Variants in DUSP5 observed in about 807,000 individuals in gnomAD.
The protein encoded by DUSP5 is dual specificity protein phosphatase 5.
Under a neutral mutation model 33.6 loss-of-function variants are expected in DUSP5, and 22 were observed. That is an observed-to-expected ratio of 0.66 (90% CI 0.47 to 0.94). The LOEUF (loss-of-function observed/expected upper bound fraction) is 0.94, where lower values mean the gene tolerates loss of function less well. Ranked by LOEUF, DUSP5 falls within the 40% of genes least tolerant of loss-of-function variation. The probability of loss-of-function intolerance (pLI) is 0.00; values close to 1 mark genes in which losing one functional copy is unlikely to be tolerated. For missense variants in DUSP5, 551 were observed against 522.1 expected, an observed-to-expected ratio of 1.06 and a Z score of -0.54; for synonymous variants, 270 against 231.1, an observed-to-expected ratio of 1.17 and a Z score of -1.53.
chr10:110,509,824 G>T (rs1860163992), intron 3 of DUSP5, among the ~76,000 whole-genome samples, 196 bp from the exon 4 acceptor site: 1 of 152,162 alleles, frequency 6.6e-6, no homozygotes, highest in Non-Finnish European at 1.5e-5. Context: ...CTTGGGGATA[G>T]TCTTTGCTGG....
chr10:110,506,927 GCA>G lies in DUSP5; in HGVS notation c.529-7_529-6del. 6.2e-7 allele frequency: 1 copy of G among 1,613,488 alleles called. No homozygotes were observed. Among genetic ancestry groups the G allele is most frequent in the Non-Finnish European group, 8.5e-7 (1 of 1,179,408 alleles). The stretch of plus-strand genomic sequence containing the variant: ...TATTTCCTGATTGTCCTTTGTCCCT[GCA>G]TCCAGGGTGGCCCAGTTGAAATCCT... On this transcript the variant is annotated splice_polypyrimidine_tract_variant and splice_region_variant and intron_variant, in intron 2 of 3. Transcript: ENST00000369583.
At chr10:110,499,018 T>C (rs1220333698) in intron 1 of DUSP5, among the ~76,000 whole-genome samples, 3 of 152,108 alleles carry the variant, frequency 2.0e-5, no homozygotes, top group African/African-American at 7.2e-5. Flanking sequence ...TTCCATTTCA[T>C]TTTATTGCTT....
At chr10:110,508,525 A>G (rs1860147168) in intron 3 of DUSP5, among the ~76,000 whole-genome samples, 1 of 152,112 alleles carries the variant, frequency 6.6e-6, no homozygotes, top group African/African-American at 2.4e-5. Context: ...GGAAGGAGAG[A>G]CTGGGTCTCC....
chr10:110,507,269 G>A, intron 3 of DUSP5, 115 bp downstream of exon 3: 3 of 1,096,132 alleles, frequency 2.7e-6, no homozygotes, highest in Non-Finnish European at 3.9e-6. Flanking sequence ...TCTTGTATAT[G>A]CCGCTGCTGA....
chr10:110,503,706 A>G (rs1400317475), intron 2 of DUSP5, among the ~76,000 whole-genome samples: 1 of 152,240 alleles, frequency 6.6e-6, no homozygotes, highest in Non-Finnish European at 1.5e-5. Flanking sequence ...GCAGAGTCCT[A>G]CAGCTGGTTC....
intron 2 of DUSP5, chr10:110,503,534 C>G (rs560173280): frequency 6.6e-6 from 1 of 152,216 alleles, no homozygotes; most frequent in African/African-American, 2.4e-5. Context: ...TTTGTGATAA[C>G]TCATTAAAGG....
chr10:110,498,835 G>T (rs1859999516), intron 1 of DUSP5, among the ~76,000 whole-genome samples: 1 of 151,914 alleles, frequency 6.6e-6, no homozygotes, highest in African/African-American at 2.4e-5. Flanking sequence ...GAGCTTCGCC[G>T]CTGTCGCTGG....
At chr10:110,498,614 C>A in intron 1 of DUSP5, 114 bp downstream of exon 1, 2 of 1,289,106 alleles carry the variant, frequency 1.6e-6, no homozygotes, top group South Asian at 4.4e-5. Context: ...CTGCAGGAGT[C>A]TGCACCCTGT....
In DUSP5 at chr10:110,510,732, T is replaced by C; in HGVS notation, c.*306T>C. 3.4e-6 allele frequency: 1 copy of C among 297,958 alleles called. No individual in the cohort carries two copies. The allele number at this position is 297,958 out of a possible 1,614,324, so 18.5% of individuals were successfully genotyped here. ...AGAGTTCGCCTTTTCATTTCAAGCATAAGGCAATAAATACCTGCAGCAACG... is the reference window on the plus strand; with the variant it reads ...AGAGTTCGCCTTTTCATTTCAAGCACAAGGCAATAAATACCTGCAGCAACG... On this transcript the variant is annotated 3_prime_UTR_variant, in exon 4 of 4. Transcript: ENST00000369583.
chr10:110,502,136 C>T (rs2134658377), intron 1 of DUSP5, among the ~76,000 whole-genome samples: 1 of 144,606 alleles, frequency 6.9e-6, no homozygotes, highest in African/African-American at 2.6e-5. Context: ...TTGATGACTC[C>T]AAATTGGACC....
intron 3 of DUSP5, among the ~76,000 whole-genome samples, chr10:110,507,463 C>T (rs974453011): frequency 6.6e-6 from 1 of 152,208 alleles, no homozygotes; most frequent in Non-Finnish European, 1.5e-5. Context: ...TAATGCTCCA[C>T]ACAAGGAAAG....
At chr10:110,502,905 G>T in intron 2 of DUSP5, 36 bp downstream of exon 2, 1 of 1,612,098 alleles carries the variant, frequency 6.2e-7, no homozygotes. Flanking sequence ...ATCCTGAGTG[G>T]TATTCTGGGC....
intron 2 of DUSP5, among the ~76,000 whole-genome samples, chr10:110,504,265 A>G (rs919431076): frequency 3.9e-5 from 6 of 152,252 alleles, no homozygotes; most frequent in African/African-American, 1.2e-4. Context: ...TTCAAGATTC[A>G]TCTGGGGAAC....
chr10:110,510,711 T>G lies in DUSP5; in HGVS notation c.*285T>G. Reference sequence around the variant, plus strand: ...ACTGCCCAGTCCTTGCACCTCAGAGTTCGCCTTTTCATTTCAAGCATAAGG... The same window carrying G: ...ACTGCCCAGTCCTTGCACCTCAGAGGTCGCCTTTTCATTTCAAGCATAAGG... On this transcript the variant is annotated 3_prime_UTR_variant, in exon 4 of 4. Coordinates refer to ENST00000369583, the MANE Select transcript of DUSP5 (RefSeq NM_004419.4). The G allele has an allele frequency of 2.9e-6, 1 of 344,554 alleles. No individual in the cohort carries two copies. The highest frequency in any genetic ancestry group is 1.3e-4 in the South Asian group (1 of 7,586). The allele number at this position is 344,554 out of a possible 1,614,324, so 21.3% of individuals were successfully genotyped here.
rs549093361 is a variant in DUSP5, at chr10:110,510,183, T to G, written c.912T>G (p.Phe304Leu). The change falls in exon 4 of 4, where the codon TTT becomes TTG. Residue 304 changes from phenylalanine (F) to leucine (L), a missense_variant. By Grantham distance (22) the Phe-to-Leu change is conservative. This residue lies in a region of DUSP5 where 158 missense variants were observed against 181.8 expected (regional missense o/e 0.87). Transcript: ENST00000369583. ...KQRRSMVSPN[F>L]GFMGQLLQYE... is the part of the protein sequence containing the mutation. The stretch of plus-strand genomic sequence containing the variant: ...GGAGGAGCATGGTCTCGCCCAACTT[T>G]GGCTTCATGGGCCAGCTCCTGCAGT... 1 of 1,614,188 alleles carries G rather than the reference T, an allele frequency of 6.2e-7. No homozygotes were observed. Among genetic ancestry groups the G allele is most frequent in the Non-Finnish European group, 8.5e-7 (1 of 1,180,020 alleles).
At chr10:110,506,538 G>C (rs1004255989) in intron 2 of DUSP5, among the ~76,000 whole-genome samples, 2 of 152,206 alleles carry the variant, frequency 1.3e-5, no homozygotes, top group African/African-American at 4.8e-5. Context: ...AAGCAAGACT[G>C]TCCCAAGGCA....
In DUSP5 at chr10:110,510,321, G is replaced by C. The variant is rs756176909; in HGVS notation, c.1050G>C (p.Gln350His). Residue 350 changes from glutamine (Q) to histidine (H), a missense_variant, in exon 4 of 4, where the codon CAG becomes CAC. By Grantham distance (24) the Gln-to-His change is conservative. Coordinates refer to ENST00000369583, the MANE Select transcript of DUSP5 (RefSeq NM_004419.4). ...TGCAGACACTGAGCCCTGACATGCAGGGTGCCTACTGCACATTCCCTGCCT... is the reference window on the plus strand; with the variant it reads ...TGCAGACACTGAGCCCTGACATGCACGGTGCCTACTGCACATTCCCTGCCT... ...GHLQTLSPDM[Q>H]GAYCTFPASV... 1.2e-6 allele frequency: 2 copies of C among 1,614,180 alleles called. No homozygotes were observed.
In DUSP5 at chr10:110,507,027, C is replaced by A. The variant is rs1417526767; in HGVS notation, c.621C>A (p.Ala207=). ...CEFLANLHIT[A]LLNVSRRTSE... ...TCCTCGCCAACCTGCACATCACAGC[C>A]CTGCTGAATGTCTCCCGACGGACCT... The change falls in exon 3 of 4, where the codon GCC becomes GCA. Residue 207 remains alanine (A), a synonymous_variant. Coordinates refer to ENST00000369583, the MANE Select transcript of DUSP5 (RefSeq NM_004419.4). 1.9e-6 allele frequency: 3 copies of A among 1,614,160 alleles called. No homozygotes were observed. In the African/African-American group the frequency reaches 4.0e-5, roughly 22 times the overall value.
chr10:110,498,403 C>T lies in DUSP5; in HGVS notation c.282C>T (p.Arg94=). The T allele has an allele frequency of 6.6e-7, 1 of 1,517,826 alleles. No individual in the cohort carries two copies. The highest frequency in any genetic ancestry group is 8.8e-7 in the Non-Finnish European group (1 of 1,140,724). The allele number at this position is 1,517,826 out of a possible 1,614,324, so 94.0% of individuals were successfully genotyped here. Residue 94 remains arginine (R), a synonymous_variant, in exon 1 of 4, where the codon CGC becomes CGT. Transcript: ENST00000369583. ...AAVVVLDQGS[R]HWQKLREESA... is the part of the protein sequence containing the mutation. ...TGGTGGTGCTGGACCAGGGCAGCCGCCACTGGCAGAAGCTGCGAGAGGAGA... is the reference window on the plus strand; with the variant it reads ...TGGTGGTGCTGGACCAGGGCAGCCGTCACTGGCAGAAGCTGCGAGAGGAGA...
Sources: gnomAD v4.1 joint callset for allele counts (sites outside exome capture counted in the v4.1 genomes callset) on GRCh38, gnomAD v4.1.1 for gene constraint, gnomAD v4.1.1 regional missense constraint, MANE v1.5 for transcripts, NCBI Gene and HGNC (gene_info 2026-07-23, HGNC 2026-07-21) for gene names.